CFAP418: variants seen among roughly 807,000 people sequenced by gnomAD.
The protein encoded by CFAP418 is cilia- and flagella-associated protein 418.
CFAP418 carries 27 observed loss-of-function variants against 24.7 expected under a neutral mutation model. The ratio of observed to expected loss-of-function variants is 1.09; its 90% confidence interval spans 0.81 to 1.51. The LOEUF (loss-of-function observed/expected upper bound fraction) is 1.51. Among genes scored for constraint, CFAP418 ranks in the 40% most tolerant of loss-of-function variants. CFAP418 has a pLI of 0.00. For synonymous variants in CFAP418, 74 were observed against 87.3 expected (o/e 0.85, Z 0.85); for missense variants, 257 against 255.2 (o/e 1.01, Z -0.05).
chr8:95,256,854 T>A (rs1464188800), intron 4 of CFAP418, among the ~76,000 whole-genome samples: 2 of 151,936 alleles, frequency 1.3e-5, no homozygotes, highest in Admixed American at 1.3e-4. Context: ...AAAACATAAG[T>A]GGAAAGTACA....
At chr8:95,268,871 C>G (rs564636740) in intron 1 of CFAP418, 164 bp downstream of exon 1, 2 of 728,076 alleles carry the variant, frequency 2.7e-6, no homozygotes, top group East Asian at 2.6e-5. Context: ...AGAGGGTCGA[C>G]GAATGCGCTG....
intron 3 of CFAP418, among the ~76,000 whole-genome samples, chr8:95,260,245 A>G (rs890859001): frequency 6.6e-6 from 1 of 152,200 alleles, no homozygotes; most frequent in African/African-American, 2.4e-5. Context: ...ATGGCAGAAA[A>G]TTATTTACAA....
rs1436500681 is a variant in CFAP418 at position 95,247,052 on chromosome 8, G to C, written c.*565C>G. 3.3e-5 allele frequency: 5 copies of C among 153,460 alleles called. No homozygotes were observed. Among genetic ancestry groups the C allele is most frequent in the Admixed American group, 3.2e-4 (5 of 15,580 alleles). The allele number at this position is 153,460 out of a possible 1,614,324, so 9.5% of individuals were successfully genotyped here. ...ATTGTGCATAACATTGCTTTGAGTTGATGAGGTAAGATCAGCTATGAGGCA... is the reference window on the plus strand; with the variant it reads ...ATTGTGCATAACATTGCTTTGAGTTCATGAGGTAAGATCAGCTATGAGGCA... On this transcript the variant is annotated 3_prime_UTR_variant, in exon 6 of 6. Transcript: ENST00000286688.
chr8:95,264,571 C>T (rs567282245), intron 1 of CFAP418, among the ~76,000 whole-genome samples: 21 of 152,188 alleles, frequency 1.4e-4, no homozygotes, highest in Non-Finnish European at 2.4e-4. Context: ...TAGGGCAGTC[C>T]GTGCACTTAA....
intron 1 of CFAP418, among the ~76,000 whole-genome samples, chr8:95,267,603 A>G (rs1429624540): frequency 6.6e-6 from 1 of 152,234 alleles, no homozygotes; most frequent in Admixed American, 6.5e-5. Flanking sequence ...AAATAAGTAA[A>G]TAAAATAAAT....
intron 1 of CFAP418, 76 bp from the exon 2 acceptor site, chr8:95,263,850 C>A: frequency 2.4e-6 from 2 of 829,600 alleles, no homozygotes; most frequent in Non-Finnish European, 3.9e-6. Flanking sequence ...AAGAGTTTTG[C>A]TTAAAGTCCA....
chr8:95,248,203 A>G lies in CFAP418; in HGVS notation c.471-433T>C, dbSNP rs1811656904. Among the ~76,000 whole-genome samples the G allele has an allele frequency of 1.3e-5, 2 of 152,174 alleles. 1 individual carries two copies. Among genetic ancestry groups the G allele is most frequent in the Non-Finnish European group, 2.9e-5 (2 of 68,034 alleles). The stretch of plus-strand genomic sequence containing the variant: ...ACCTAGATCCCCTCACACTAACACT[A>G]GAAGATATGCTTCAGTGTTCTCTTT... On this transcript the variant is annotated intron_variant, in intron 5 of 5. Transcript: ENST00000286688.
intron 2 of CFAP418, among the ~76,000 whole-genome samples, chr8:95,261,687 C>T (rs879432786): frequency 2.0e-5 from 3 of 152,048 alleles, no homozygotes; most frequent in Middle Eastern, 3.4e-3. Flanking sequence ...GGACATAATA[C>T]ATAACTAAAA....
chr8:95,268,838 T>C, intron 1 of CFAP418, 197 bp downstream of exon 1: 2 of 564,178 alleles, frequency 3.5e-6, no homozygotes, highest in Non-Finnish European at 6.2e-6. Context: ...CTGCGCTGAG[T>C]GAAGAGGTGC....
At chr8:95,266,186 C>G (rs1014019344) in intron 1 of CFAP418, among the ~76,000 whole-genome samples, 3 of 152,102 alleles carry the variant, frequency 2.0e-5, no homozygotes, top group Non-Finnish European at 2.9e-5. Context: ...ATATACAAAG[C>G]ACTTAGCATA....
intron 1 of CFAP418, among the ~76,000 whole-genome samples, chr8:95,268,677 T>G (rs1322707515): frequency 2.0e-5 from 3 of 149,590 alleles, no homozygotes; most frequent in Non-Finnish European, 4.4e-5. Flanking sequence ...GGTATCCCGG[T>G]CCCCGACTAG....
intron 5 of CFAP418, among the ~76,000 whole-genome samples, chr8:95,251,894 T>G (rs150368377): frequency 6.6e-6 from 1 of 152,358 alleles, no homozygotes; most frequent in East Asian, 1.9e-4. Flanking sequence ...AGCATGTTAC[T>G]GTTTATACCA....
intron 4 of CFAP418, among the ~76,000 whole-genome samples, chr8:95,255,338 AC>A (rs35032041): frequency 0.063 from 9,592 of 152,066 alleles, 393 homozygotes; most frequent in Non-Finnish European, 0.088. Flanking sequence ...CCAGAGGAAC[AC>A]CCCCAGCTCC....
rs893383660 is a variant in CFAP418 at position 95,254,131 on chromosome 8, T to C, written c.375-1848A>G. Among the ~76,000 whole-genome samples the C allele has an allele frequency of 6.6e-5, 10 of 152,236 alleles. No homozygotes were observed. In the South Asian group the frequency reaches 8.3e-4, roughly 13 times the overall value. On this transcript the variant is annotated intron_variant, in intron 4 of 5. Transcript: ENST00000286688. Reference sequence around the variant, plus strand: ...ATTTACTCTATTAGATCATAATTAGTACCAGTCTATGGAATAATCCAGTCT... The same window carrying C: ...ATTTACTCTATTAGATCATAATTAGCACCAGTCTATGGAATAATCCAGTCT...
intron 2 of CFAP418, among the ~76,000 whole-genome samples, chr8:95,261,163 T>G (rs1363271285): frequency 6.6e-6 from 1 of 152,122 alleles, no homozygotes; most frequent in Non-Finnish European, 1.5e-5. Context: ...AACCACACAC[T>G]AGGACCACCG....
Position 95,247,503 on chromosome 8 carries a change from T to G in CFAP418, c.*114A>C. On this transcript the variant is annotated 3_prime_UTR_variant, in exon 6 of 6. Coordinates refer to ENST00000286688, the MANE Select transcript of CFAP418 (RefSeq NM_177965.4). ...ATGTATGTAGTTGTATCAATAAAAT[T>G]CACTGCCTTTTCCCACAGGGAATGG... is the stretch of plus-strand genomic sequence containing the variant. The G allele has an allele frequency of 8.1e-7, 1 of 1,235,374 alleles. No individual in the cohort carries two copies. Among genetic ancestry groups the G allele is most frequent in the Admixed American group, 2.0e-5 (1 of 50,258 alleles). The allele number at this position is 1,235,374 out of a possible 1,614,324, so 76.5% of individuals were successfully genotyped here. A position where few individuals can be genotyped will look rare whatever the true frequency, so the allele number is the denominator to read the frequency against.
At chr8:95,256,940 G>T (rs1811800608) in intron 4 of CFAP418, among the ~76,000 whole-genome samples, 2 of 152,204 alleles carry the variant, frequency 1.3e-5, no homozygotes, top group African/African-American at 4.8e-5. Flanking sequence ...AAAGAGAGAA[G>T]AGGAACAACA....
At chr8:95,268,051 T>C (rs555850051) in intron 1 of CFAP418, among the ~76,000 whole-genome samples, 2 of 152,246 alleles carry the variant, frequency 1.3e-5, no homozygotes, top group South Asian at 4.1e-4. Context: ...CACCCTTAAC[T>C]AGGGGGCCAT....
chr8:95,253,252 G>C (rs898266286), intron 4 of CFAP418, among the ~76,000 whole-genome samples: 1 of 152,056 alleles, frequency 6.6e-6, no homozygotes, highest in African/African-American at 2.4e-5. Context: ...GGAGATTGCA[G>C]TGAGGGGAGA....
Sources: gnomAD v4.1 joint callset for allele counts (sites outside exome capture counted in the v4.1 genomes callset) on GRCh38, gnomAD v4.1.1 for gene constraint, MANE v1.5 for transcripts, NCBI Gene and HGNC (gene_info 2026-07-23, HGNC 2026-07-21) for gene names.